The following KIF26B variants were observed in gnomAD, a reference collection of about 807,000 sequenced individuals.
The protein encoded by KIF26B is kinesin-like protein KIF26B.
A neutral mutation model predicts 151.2 loss-of-function variants in KIF26B; 63 were observed. The observed-to-expected ratio is 0.42, with a 90% CI of 0.34 to 0.51. KIF26B has a LOEUF of 0.51. KIF26B is among the 20% of genes least tolerant of loss of function. KIF26B has a pLI of 0.07. For synonymous variants in KIF26B, 1,357 were observed against 1,262.1 expected, an observed-to-expected ratio of 1.08 and a Z score of -1.59; for missense variants, 2,813 against 2,913.6, an observed-to-expected ratio of 0.97 and a Z score of 0.79.
At chr1:245,186,545 G>A (rs946067426) in intron 2 of KIF26B, among the ~76,000 whole-genome samples, 2 of 152,180 alleles carry the variant, frequency 1.3e-5, no homozygotes, top group Non-Finnish European at 2.9e-5. Context: ...GAGCTTGAAA[G>A]GGGGTGTAGG....
At chr1:245,604,705 T>A (rs544406528) in intron 6 of KIF26B, among the ~76,000 whole-genome samples, 7 of 152,248 alleles carry the variant, frequency 4.6e-5, no homozygotes, top group Admixed American at 1.3e-4. Flanking sequence ...TAGTCTTTGT[T>A]TACATTTCAC....
At chr1:245,289,669 G>T (rs1175655015) in intron 2 of KIF26B, among the ~76,000 whole-genome samples, 4 of 146,096 alleles carry the variant, frequency 2.7e-5, no homozygotes, top group African/African-American at 1.0e-4. Context: ...GGGTGGAGGT[G>T]TGTTCAATTG....
intron 10 of KIF26B, chr1:245,676,138 T>C (rs1346094586): frequency 6.6e-6 from 1 of 152,264 alleles, no homozygotes. Flanking sequence ...AATTGTATTC[T>C]GGAATTAGTG....
rs993128261 is a variant in KIF26B at position 245,166,235 on chromosome 1, A to G, written c.465+9552A>G. 1.3e-5 allele frequency among the ~76,000 whole-genome samples: 2 copies of G among 152,156 alleles called. No individual in the cohort carries two copies. Among genetic ancestry groups the G allele is most frequent in the Admixed American group, 6.5e-5 (1 of 15,274 alleles). Reference sequence around the variant, plus strand: ...CTTTCCACAGGAAGTTGAATTTTATATAAGATTCCTACCCTCCTTCCTTCC... The same window carrying G: ...CTTTCCACAGGAAGTTGAATTTTATGTAAGATTCCTACCCTCCTTCCTTCC... On this transcript the variant is annotated intron_variant, in intron 2 of 14. Coordinates refer to ENST00000407071, the MANE Select transcript of KIF26B (RefSeq NM_018012.4). This position sits in a 1 kb window ranked among gnomAD's most constrained non-coding sequence, Gnocchi z 4.5.
chr1:245,230,041 G>C (rs555719901), intron 2 of KIF26B, among the ~76,000 whole-genome samples: 1 of 152,096 alleles, frequency 6.6e-6, no homozygotes, highest in East Asian at 1.9e-4. Flanking sequence ...GCTGAGGCAG[G>C]AGAATCGCTT....
chr1:245,594,205 C>T (rs1304823982), intron 5 of KIF26B, among the ~76,000 whole-genome samples: 6 of 152,142 alleles, frequency 3.9e-5, no homozygotes, highest in Admixed American at 3.3e-4. Context: ...GCTTTTGTTG[C>T]CATTGCTTTT....
chr1:245,158,870 G>GTGTGTGTGGT (rs556695816), intron 2 of KIF26B, among the ~76,000 whole-genome samples: 909 of 42,638 alleles, frequency 0.021, 6 homozygotes, highest in Non-Finnish European at 0.021. Context: ...GTGTGTGTGT[G>GTGTGTGTGGT]GTGTGTGTTT....
chr1:245,608,253 A>G (rs762972401), intron 7 of KIF26B, among the ~76,000 whole-genome samples: 8 of 152,224 alleles, frequency 5.3e-5, no homozygotes, highest in African/African-American at 1.7e-4. Context: ...GAGCCCCCCA[A>G]CAAGGGGTTC....
At chr1:245,607,820 A>C (rs902357735) in intron 7 of KIF26B, 76 bp downstream of exon 7, 3 of 1,173,696 alleles carry the variant, frequency 2.6e-6, no homozygotes, top group African/African-American at 3.0e-5. Context: ...TCTCCCTCCC[A>C]GAGTTCTCTG....
Position 245,688,827 on chromosome 1 carries a change from G to C in KIF26B, c.5824+20G>C. 6 of 1,548,498 alleles carry C rather than the reference G, an allele frequency of 3.9e-6. No homozygotes were observed. In the South Asian group the frequency reaches 6.2e-5, roughly 16 times the overall value. ...ATCCAGGTAGGCGGCTGGGCGCAGG[G>C]ACGCGGGTGAGGAGGGCGGCAGGTG... On this transcript the variant is annotated intron_variant, in intron 12 of 14. Transcript: ENST00000407071.
At chr1:245,692,343 T>C (rs1286989130) in intron 12 of KIF26B, among the ~76,000 whole-genome samples, 1 of 152,042 alleles carries the variant, frequency 6.6e-6, no homozygotes, top group East Asian at 1.9e-4. Context: ...TCCCAGATGC[T>C]GAGTGGGGTA....
chr1:245,677,986 C>T (rs909591092), intron 10 of KIF26B, among the ~76,000 whole-genome samples: 1 of 152,174 alleles, frequency 6.6e-6, no homozygotes, highest in African/African-American at 2.4e-5. Flanking sequence ...CTCACCTTGG[C>T]CAGGAGCATT....
chr1:245,209,572 T>C (rs973685781), intron 2 of KIF26B, among the ~76,000 whole-genome samples: 2 of 151,084 alleles, frequency 1.3e-5, no homozygotes, highest in African/African-American at 2.4e-5. Context: ...TAGAGAGAGG[T>C]GTTTCTTTTC....
chr1:245,688,664 G>C lies in KIF26B; in HGVS notation c.5681G>C (p.Gly1894Ala). 1 of 1,603,922 alleles carries C rather than the reference G, an allele frequency of 6.2e-7. No individual in the cohort carries two copies. Among genetic ancestry groups the C allele is most frequent in the Non-Finnish European group, 8.5e-7 (1 of 1,176,682 alleles). ...GKTALFYHSG[G>A]SSGYESVMRD... ...ACGGCCCTGTTCTACCACAGCGGCGGCAGCAGCGGCTACGAGAGCGTGATG... is the reference window on the plus strand; with the variant it reads ...ACGGCCCTGTTCTACCACAGCGGCGCCAGCAGCGGCTACGAGAGCGTGATG... The change falls in exon 12 of 15, where the codon GGC becomes GCC. Residue 1894 changes from glycine to alanine, a missense_variant. By Grantham distance (60) the Gly-to-Ala change is moderately conservative (BLOSUM62 0). Transcript: ENST00000407071.
In KIF26B at chr1:245,279,656, G is replaced by A. The variant is rs544404681; in HGVS notation, c.466-87178G>A. Among the ~76,000 whole-genome samples the A allele has an allele frequency of 4.3e-4, 66 of 151,856 alleles. 3 individuals are homozygous for A. The South Asian group carries it at 0.014, about 31-fold the overall frequency. On this transcript the variant is annotated intron_variant, in intron 2 of 14. Transcript: ENST00000407071. ...CTTTGAGGTTTAGGGGCTAATGCCT[G>A]ATGCTTTTTTTTTATCTGTATGAAG...
chr1:245,325,647 G>A (rs1671975441), intron 2 of KIF26B, among the ~76,000 whole-genome samples: 1 of 152,044 alleles, frequency 6.6e-6, no homozygotes, highest in Non-Finnish European at 1.5e-5. Flanking sequence ...GGAGGCAGAG[G>A]TTGCGGTGAG....
rs12044644 is a variant in KIF26B at position 245,488,021 on chromosome 1, C to T, written c.1167-52746C>T. On this transcript the variant is annotated intron_variant, in intron 4 of 14. Coordinates refer to ENST00000407071, the MANE Select transcript of KIF26B (RefSeq NM_018012.4). This position sits in a 1 kb window ranked among gnomAD's most constrained non-coding sequence, Gnocchi z 4.6. ...CACGTTGGTCTCGAACTTCTGACCT[C>T]AGGTGATCCACCCACCTCAGCCTGC... Among the ~76,000 whole-genome samples, 663 of 152,220 alleles carry T rather than the reference C, an allele frequency of 4.4e-3. 26 individuals are homozygous for T. Among genetic ancestry groups the T allele is most frequent in the Admixed American group, 0.031 (467 of 15,288 alleles).
intron 4 of KIF26B, among the ~76,000 whole-genome samples, chr1:245,428,142 C>T (rs558217936): frequency 6.6e-6 from 1 of 152,296 alleles, no homozygotes; most frequent in South Asian, 2.1e-4. Context: ...GAAGGCAAAC[C>T]CCTACCCTCT....
chr1:245,649,688 C>T (rs1210598729), intron 10 of KIF26B, among the ~76,000 whole-genome samples: 1 of 152,048 alleles, frequency 6.6e-6, no homozygotes, highest in African/African-American at 2.4e-5. Flanking sequence ...CCCCACCCCC[C>T]CCAAAAAACA....
Sources: gnomAD v4.1 joint callset for allele counts (sites outside exome capture counted in the v4.1 genomes callset) on GRCh38, gnomAD v4.1.1 for gene constraint, Gnocchi (gnomAD v3.1) non-coding constraint, MANE v1.5 for transcripts, NCBI Gene and HGNC (gene_info 2026-07-23, HGNC 2026-07-21) for gene names.